Variants in CEP112 observed in about 807,000 individuals in gnomAD.
The protein encoded by CEP112 is centrosomal protein 112.
Under a neutral mutation model 153.0 loss-of-function variants are expected in CEP112, and 127 were observed. The ratio of observed to expected loss-of-function variants is 0.83; its 90% CI spans 0.72 to 0.96. CEP112 has a LOEUF of 0.96. Ranked by LOEUF, CEP112 falls within the 40% of genes least tolerant of loss-of-function variation. The probability of loss-of-function intolerance (pLI) is 0.00; values close to 1 mark genes in which losing one functional copy is unlikely to be tolerated. For synonymous variants in CEP112, 358 were observed against 374.4 expected, an observed-to-expected ratio of 0.96 and a Z score of 0.51; for missense variants, 1,089 against 1,101.2, an observed-to-expected ratio of 0.99 and a Z score of 0.16.
chr17:65,837,211 T>C (rs1041334862), intron 21 of CEP112, among the ~76,000 whole-genome samples: 57 of 152,296 alleles, frequency 3.7e-4, no homozygotes, highest in Admixed American at 3.7e-3. Context: ...TTGCAGCCTC[T>C]GCCCGGCCGC....
intron 12 of CEP112, among the ~76,000 whole-genome samples, chr17:66,051,164 A>G (rs920390256): frequency 6.7e-6 from 1 of 149,158 alleles, no homozygotes; most frequent in African/African-American, 2.5e-5. Context: ...TTTTTTTAAG[A>G]GACATGGTCT....
At chr17:66,184,539 G>A (rs1431041100) in intron 1 of CEP112, among the ~76,000 whole-genome samples, 1 of 152,116 alleles carries the variant, frequency 6.6e-6, no homozygotes, top group Non-Finnish European at 1.5e-5. Flanking sequence ...TATCATTACA[G>A]AAATGCAAAT....
intron 1 of CEP112, among the ~76,000 whole-genome samples, chr17:66,186,004 G>GTCTCTCATAATCTC (rs1032170497): frequency 2.0e-5 from 3 of 151,202 alleles, no homozygotes; most frequent in African/African-American, 7.3e-5. Context: ...GTAAGCCAAG[G>GTCTCTCATAATCTC]TCTCTCATAA....
At chr17:65,767,696 C>T (rs1198860151) in intron 21 of CEP112, among the ~76,000 whole-genome samples, 2 of 151,704 alleles carry the variant, frequency 1.3e-5, no homozygotes, top group African/African-American at 2.4e-5. Flanking sequence ...GGAGACATTA[C>T]AAAAGATGTT....
intron 21 of CEP112, among the ~76,000 whole-genome samples, chr17:65,797,525 T>C (rs986292836): frequency 3.3e-5 from 5 of 152,208 alleles, no homozygotes; most frequent in African/African-American, 1.2e-4. Flanking sequence ...ATCTGCAAAT[T>C]CAGCTTATGA....
chr17:65,721,010 T>TCTCTCTC (rs543044308), intron 23 of CEP112, among the ~76,000 whole-genome samples: 2 of 83,632 alleles, frequency 2.4e-5, no homozygotes, highest in African/African-American at 8.6e-5. Flanking sequence ...TCTCTCTCTC[T>TCTCTCTC]TTTTTTTTTT....
chr17:65,976,863 C>T (rs539549192), intron 17 of CEP112, among the ~76,000 whole-genome samples: 6 of 151,570 alleles, frequency 4.0e-5, no homozygotes, highest in African/African-American at 1.5e-4. Context: ...CTCAGCCTCC[C>T]AAGTAGCTGG....
intron 21 of CEP112, chr17:65,826,375 C>T: frequency 6.3e-7 from 1 of 1,592,400 alleles, no homozygotes; most frequent in East Asian, 2.2e-5. Context: ...GGCAGAACTT[C>T]TAACAAGAAG....
chr17:65,741,038 T>C (rs935384845), intron 23 of CEP112, among the ~76,000 whole-genome samples: 3 of 152,204 alleles, frequency 2.0e-5, no homozygotes, highest in Admixed American at 6.5e-5. Context: ...AGACAGATTG[T>C]GGCTTGAAAC....
chr17:65,799,733 A>T (rs1407241139), intron 21 of CEP112, among the ~76,000 whole-genome samples: 2 of 152,234 alleles, frequency 1.3e-5, no homozygotes, highest in Non-Finnish European at 2.9e-5. Context: ...GACGCAAGTC[A>T]AACAACTGAA....
intron 17 of CEP112, among the ~76,000 whole-genome samples, chr17:65,994,576 G>A (rs1026599359): frequency 1.3e-5 from 2 of 152,124 alleles, no homozygotes. Context: ...CAATCTTCCT[G>A]CCTTGGACTT....
intron 21 of CEP112, among the ~76,000 whole-genome samples, chr17:65,841,522 G>T (rs992409297): frequency 1.3e-5 from 2 of 151,984 alleles, no homozygotes; most frequent in African/African-American, 4.8e-5. Context: ...GACATAAAGA[G>T]AGGTTGGTTA....
At chr17:66,013,920 A>T (rs903100680) in intron 16 of CEP112, among the ~76,000 whole-genome samples, 1 of 151,970 alleles carries the variant, frequency 6.6e-6, no homozygotes, top group Admixed American at 6.6e-5. Flanking sequence ...GGGCTGGCAA[A>T]CTCCTTGTGC....
chr17:65,661,963 T>G (rs1403083643), intron 24 of CEP112: 2 of 64,424 alleles, frequency 3.1e-5, no homozygotes, highest in African/African-American at 5.8e-5. Flanking sequence ...TATATGTTTA[T>G]TTATTTATTA....
At chr17:65,924,495 T>G (rs1260534716) in intron 19 of CEP112, among the ~76,000 whole-genome samples, 1 of 152,118 alleles carries the variant, frequency 6.6e-6, no homozygotes, top group Non-Finnish European at 1.5e-5. Flanking sequence ...ATATATAGAG[T>G]GTACATATTC....
intron 4 of CEP112, among the ~76,000 whole-genome samples, chr17:66,149,176 C>A (rs867032781): frequency 6.6e-6 from 1 of 152,106 alleles, no homozygotes; most frequent in African/African-American, 2.4e-5. Flanking sequence ...TTGCAAGTTA[C>A]GAATAAATCT....
At chr17:65,672,438 GAAGAAT>G in intron 24 of CEP112, among the ~76,000 whole-genome samples, 1 of 152,164 alleles carries the variant, frequency 6.6e-6, no homozygotes, top group Admixed American at 6.5e-5. Context: ...AGAAAATGCT[GAAGAAT>G]AACTAAGACA....
At chr17:65,899,707 G>C (rs2059780264) in intron 20 of CEP112, among the ~76,000 whole-genome samples, 2 of 151,984 alleles carry the variant, frequency 1.3e-5, no homozygotes, top group African/African-American at 4.8e-5. Context: ...AGCAAACAAA[G>C]CCATAGATTT....
At chr17:65,728,295 C>A (rs541190087) in intron 23 of CEP112, among the ~76,000 whole-genome samples, 3 of 152,178 alleles carry the variant, frequency 2.0e-5, no homozygotes, top group African/African-American at 7.2e-5. Flanking sequence ...GGAGAAGAGG[C>A]GATAGGTTAC....
Sources: allele counts gnomAD v4.1 joint callset (sites outside exome capture counted in the v4.1 genomes callset), GRCh38; gene constraint gnomAD v4.1.1; transcripts MANE v1.5; gene names NCBI Gene and HGNC (gene_info 2026-07-23, HGNC 2026-07-21).